Variants in GNG7 observed in about 807,000 individuals in gnomAD.
GNG7 encodes guanine nucleotide-binding protein G(I)/G(S)/G(O) subunit gamma-7.
GNG7 carries 1 observed loss-of-function variant against 4.0 expected under a neutral mutation model. The ratio of observed to expected loss-of-function variants is 0.25; its 90% CI spans 0.09 to 1.18. The LOEUF (loss-of-function observed/expected upper bound fraction) is 1.18. Among genes scored for constraint, GNG7 ranks in the 50% most tolerant of loss-of-function variants. The probability of loss-of-function intolerance (pLI) is 0.50; values close to 1 mark genes in which losing one functional copy is unlikely to be tolerated. For missense variants in GNG7, 86 were observed against 91.9 expected (o/e 0.94, Z 0.26); for synonymous variants, 34 against 36.9 (o/e 0.92, Z 0.29).
chr19:2,541,516 C>A (rs562706464), intron 3 of GNG7, among the ~76,000 whole-genome samples: 63 of 151,858 alleles, frequency 4.1e-4, no homozygotes, highest in Admixed American at 3.8e-3. Context: ...GGGTGGATCA[C>A]GAGGTCAGGA....
intron 2 of GNG7, among the ~76,000 whole-genome samples, chr19:2,635,153 G>A (rs955134072): frequency 3.9e-5 from 6 of 152,188 alleles, no homozygotes; most frequent in African/African-American, 9.7e-5. Flanking sequence ...CCCCCCAGTC[G>A]TGTAACCACA....
intron 2 of GNG7, chr19:2,610,529 G>A (rs1380264082): frequency 6.6e-6 from 1 of 151,902 alleles, no homozygotes; most frequent in Non-Finnish European, 1.5e-5. Flanking sequence ...TGTGTTTTCA[G>A]TAGAGACGGG....
chr19:2,567,572 C>T lies in GNG7; in HGVS notation c.-77-12384G>A, dbSNP rs1181224291. ...AGCTCCTGAGCTCAAGCGATCGTCC[C>T]ACCTCGGCCTCCCAAAGTGCTGGGA... On this transcript the variant is annotated intron_variant, in intron 2 of 4. Coordinates refer to ENST00000382159, the MANE Select transcript of GNG7 (RefSeq NM_052847.3). Among the ~76,000 whole-genome samples the T allele has an allele frequency of 2.0e-5, 3 of 152,100 alleles. No individual in the cohort carries two copies. In the East Asian group the frequency reaches 5.8e-4, roughly 29 times the overall value.
At chr19:2,573,715 C>T (rs145051941) in intron 2 of GNG7, among the ~76,000 whole-genome samples, 8 of 152,136 alleles carry the variant, frequency 5.3e-5, no homozygotes, top group Admixed American at 3.3e-4. Flanking sequence ...TGGTCGTGGG[C>T]GCCTGTAATC....
At position 2,568,114 on chromosome 19, in the gene GNG7, T is replaced by C. The variant is rs116006813; in HGVS notation, c.-77-12926A>G. On this transcript the variant is annotated intron_variant, in intron 2 of 4. Transcript: ENST00000382159. The stretch of plus-strand genomic sequence containing the variant: ...ACACACACACTTACACACATGCACA[T>C]ACACACATATAGACATACACACATA... Among the ~76,000 whole-genome samples, 636 of 143,642 alleles carry C rather than the reference T, an allele frequency of 4.4e-3. 3 individuals are homozygous for C. The highest frequency in any genetic ancestry group is 0.015 in the African/African-American group (586 of 38,772). The allele number at this position is 143,642 out of a possible 152,430, so 94.2% of individuals were successfully genotyped here.
chr19:2,576,077 GCAGACACACACACAGA>G (rs2144786299), intron 2 of GNG7, among the ~76,000 whole-genome samples: 1 of 143,818 alleles, frequency 7.0e-6, no homozygotes, highest in South Asian at 2.2e-4. Flanking sequence ...ACGCAGACAT[GCAGACACACACACAGA>G]CACACACAGA....
intron 2 of GNG7, among the ~76,000 whole-genome samples, chr19:2,604,298 C>A (rs888325873): frequency 9.9e-5 from 15 of 151,062 alleles, no homozygotes; most frequent in Middle Eastern, 6.9e-3. Context: ...AGCAAGACCC[C>A]ATCACTACAA....
chr19:2,632,536 T>C (rs1982191793), intron 2 of GNG7: 1 of 149,584 alleles, frequency 6.7e-6, no homozygotes, highest in Non-Finnish European at 1.5e-5. Context: ...GACTGGGAAT[T>C]GTAAAAACAG....
chr19:2,572,398 C>CT (rs1478972540), intron 2 of GNG7, among the ~76,000 whole-genome samples: 1 of 152,068 alleles, frequency 6.6e-6, no homozygotes, highest in Non-Finnish European at 1.5e-5. Context: ...CTTCACAGAG[C>CT]TGTGCAACCA....
chr19:2,603,839 T>TTTATTATTATTA (rs10647731), intron 2 of GNG7, among the ~76,000 whole-genome samples: 2 of 150,338 alleles, frequency 1.3e-5, no homozygotes, highest in African/African-American at 4.9e-5. Flanking sequence ...TGCCTGTTCT[T>TTTATTATTATTA]TTATTATTAT....
chr19:2,633,967 A>AC lies in GNG7; in HGVS notation c.-78+12256dup, dbSNP rs1294494562. ...GGGTGCAAAATTGCCCCGAGTTGAGACCCCCTGGGATAGGGGATTCCACGG... is the reference window on the plus strand; with the variant it reads ...GGGTGCAAAATTGCCCCGAGTTGAGACCCCCCTGGGATAGGGGATTCCACGG... On this transcript the variant is annotated intron_variant, in intron 2 of 4. Coordinates refer to ENST00000382159, the MANE Select transcript of GNG7 (RefSeq NM_052847.3). The surrounding 1 kb of genome is among the most constrained non-coding windows in gnomAD (Gnocchi z 5.9). Among the ~76,000 whole-genome samples, 2 of 151,010 alleles carry AC rather than the reference A, an allele frequency of 1.3e-5. No homozygotes were observed. Among genetic ancestry groups the AC allele is most frequent in the African/African-American group, 4.9e-5 (2 of 40,990 alleles).
At chr19:2,544,471 G>A (rs1161266959) in intron 3 of GNG7, among the ~76,000 whole-genome samples, 3 of 152,250 alleles carry the variant, frequency 2.0e-5, no homozygotes. Context: ...TGCAACCTCC[G>A]CCTCCCGGGT....
intron 1 of GNG7, among the ~76,000 whole-genome samples, chr19:2,681,027 T>C (rs1983721201): frequency 1.3e-5 from 2 of 152,088 alleles, no homozygotes; most frequent in African/African-American, 4.8e-5. Flanking sequence ...GATTTGCATT[T>C]CCCTGAGGAC....
intron 3 of GNG7, among the ~76,000 whole-genome samples, chr19:2,524,653 T>A (rs1388172829): frequency 2.0e-5 from 3 of 152,210 alleles, no homozygotes; most frequent in Non-Finnish European, 4.4e-5. Context: ...CACATCTACG[T>A]GTGTGCGTCT....
intron 2 of GNG7, among the ~76,000 whole-genome samples, chr19:2,562,122 G>A (rs1031001723): frequency 9.2e-5 from 14 of 152,146 alleles, no homozygotes; most frequent in Admixed American, 5.2e-4. Context: ...AGGCATTCAC[G>A]CCCTCCACCC....
chr19:2,646,649 T>C (rs11671017), intron 1 of GNG7, among the ~76,000 whole-genome samples: 74,631 of 151,024 alleles, frequency 0.49, 18,459 homozygotes, highest in African/African-American at 0.55. Context: ...CGAGCCACTG[T>C]CCTCCAGCCT....
Position 2,512,158 on chromosome 19 carries a change from G to T in GNG7, c.*2864C>A. On this transcript the variant is annotated 3_prime_UTR_variant, in exon 5 of 5. Coordinates refer to ENST00000382159, the MANE Select transcript of GNG7 (RefSeq NM_052847.3). The surrounding 1 kb of genome is among the most constrained non-coding windows in gnomAD (Gnocchi z 4.7). ...GCTGAGAGAGGCTTGTCCCCCCAAG[G>T]CTAGAGCTGCTGCTGCCACCCCCGC... is the stretch of plus-strand genomic sequence containing the variant. 2 of 985,880 alleles carry T rather than the reference G, an allele frequency of 2.0e-6. No homozygotes were observed. The highest frequency in any genetic ancestry group is 2.3e-4 in the East Asian group (2 of 8,796). The allele number at this position is 985,880 out of a possible 1,614,324, so 61.1% of individuals were successfully genotyped here. A position where few individuals can be genotyped will look rare whatever the true frequency, so the allele number is the denominator to read the frequency against.
intron 1 of GNG7, among the ~76,000 whole-genome samples, chr19:2,684,053 G>A (rs1213793879): frequency 6.6e-6 from 1 of 152,038 alleles, no homozygotes; most frequent in African/African-American, 2.4e-5. Context: ...GGGCGCGGTG[G>A]CTCACGCCTG....
chr19:2,526,769 T>G (rs1381925461), intron 3 of GNG7, among the ~76,000 whole-genome samples: 1 of 150,534 alleles, frequency 6.6e-6, no homozygotes, highest in Non-Finnish European at 1.5e-5. Flanking sequence ...TATAATATAT[T>G]TAGATTACTA....
Sources: allele counts gnomAD v4.1 joint callset (sites outside exome capture counted in the v4.1 genomes callset), GRCh38; gene constraint gnomAD v4.1.1; non-coding constraint Gnocchi (gnomAD v3.1); transcripts MANE v1.5; gene names NCBI Gene and HGNC (gene_info 2026-07-23, HGNC 2026-07-21).